The following DHX15 variants were observed in gnomAD, a reference collection of about 807,000 sequenced individuals.
DHX15 encodes ATP-dependent RNA helicase DHX15.
In DHX15, 11 loss-of-function variants were observed where a neutral mutation model predicts 94.4. The observed-to-expected ratio is 0.12, with a 90% CI of 0.07 to 0.19. The LOEUF (loss-of-function observed/expected upper bound fraction) is 0.19, where lower values mean the gene tolerates loss of function less well. Ranked by LOEUF, DHX15 falls within the 10% of genes least tolerant of loss-of-function variation. The pLI is 1.00. For synonymous variants in DHX15, 338 were observed against 329.9 expected (o/e 1.02, Z -0.27); for missense variants, 304 against 988.5 (o/e 0.31, Z 9.29).
At chr4:24,533,529 G>A (rs919574349) in intron 11 of DHX15, 12 of 159,440 alleles carry the variant, frequency 7.5e-5, no homozygotes, top group African/African-American at 1.9e-4. Context: ...TGCGACACAC[G>A]TGTCTCTCAG....
intron 12 of DHX15, chr4:24,530,948 T>G (rs1268616961): frequency 6.6e-6 from 1 of 152,240 alleles, no homozygotes; most frequent in African/African-American, 2.4e-5. Context: ...CTATGTTGCC[T>G]GGGCTGGCTT....
chr4:24,540,464 T>G (rs1721285491), intron 9 of DHX15, among the ~76,000 whole-genome samples, 165 bp from the exon 10 acceptor site: 1 of 152,164 alleles, frequency 6.6e-6, no homozygotes, highest in South Asian at 2.1e-4. Context: ...CAATGAATCA[T>G]AAAAACATTG....
chr4:24,531,269 T>C (rs1259455497), intron 12 of DHX15, among the ~76,000 whole-genome samples: 1 of 152,018 alleles, frequency 6.6e-6, no homozygotes, highest in Admixed American at 6.5e-5. Context: ...TTTGTATTTT[T>C]AGTAGAGACG....
intron 6 of DHX15, among the ~76,000 whole-genome samples, chr4:24,547,885 CTCTCTATG>C (rs869096298): frequency 0.047 from 573 of 12,168 alleles, 14 homozygotes; most frequent in Non-Finnish European, 0.092. Flanking sequence ...CTCTCTCTCT[CTCTCTATG>C]TATGTATGTG....
Position 24,533,074 on chromosome 4 carries a change from G to C in DHX15, c.1910-20C>G. ...CATGATCTAAAAAGGTAGAAGGCGGGGAGAAAAGAAGGCACCATGAATCAC... is the reference window on the plus strand; with the variant it reads ...CATGATCTAAAAAGGTAGAAGGCGGCGAGAAAAGAAGGCACCATGAATCAC... On this transcript the variant is annotated intron_variant, in intron 11 of 13. Coordinates refer to ENST00000336812, the MANE Select transcript of DHX15 (RefSeq NM_001358.3). 3 of 1,608,830 alleles carry C rather than the reference G, an allele frequency of 1.9e-6. No individual in the cohort carries two copies. The highest frequency in any genetic ancestry group is 2.6e-6 in the Non-Finnish European group (3 of 1,175,346).
chr4:24,574,205 CAAAAAAAA>C (rs61031930), intron 2 of DHX15, among the ~76,000 whole-genome samples: 9 of 68,872 alleles, frequency 1.3e-4, no homozygotes, highest in African/African-American at 3.3e-4. Context: ...GACTTTGTCT[CAAAAAAAA>C]AAAAAAAAAA....
At chr4:24,531,551 C>T (rs989199692) in intron 12 of DHX15, among the ~76,000 whole-genome samples, 2 of 152,014 alleles carry the variant, frequency 1.3e-5, no homozygotes, top group Non-Finnish European at 2.9e-5. Flanking sequence ...TCTCTCTACA[C>T]ACACAAAAAG....
At position 24,570,315 on chromosome 4, in the gene DHX15, C is replaced by CTTT. The variant is rs367666962; in HGVS notation, c.701+336_701+338dup. Reference sequence around the variant, plus strand: ...CATTCTTCTTTCTAAAAGTAGTTATCTTTTACTAAGTAAGACATATCACTT... The same window carrying CTTT: ...CATTCTTCTTTCTAAAAGTAGTTATCTTTTTTTACTAAGTAAGACATATCACTT... On this transcript the variant is annotated intron_variant, in intron 3 of 13. Coordinates refer to ENST00000336812, the MANE Select transcript of DHX15 (RefSeq NM_001358.3). Among the ~76,000 whole-genome samples the CTTT allele has an allele frequency of 5.1e-3, 776 of 152,248 alleles. 7 individuals are homozygous for CTTT. Among genetic ancestry groups the CTTT allele is most frequent in the African/African-American group, 0.018 (748 of 41,552 alleles).
chr4:24,555,409 A>T (rs1721708253), intron 4 of DHX15, among the ~76,000 whole-genome samples: 1 of 152,138 alleles, frequency 6.6e-6, no homozygotes, highest in Non-Finnish European at 1.5e-5. Context: ...AAACCTTGGT[A>T]GCACAATAAA....
At chr4:24,571,077 T>G (rs1055292425) in intron 2 of DHX15, among the ~76,000 whole-genome samples, 76 of 152,220 alleles carry the variant, frequency 5.0e-4, no homozygotes, top group African/African-American at 1.8e-3. Context: ...CAATCAGGAA[T>G]ACACTCGACA....
chr4:24,542,054 C>A, intron 7 of DHX15, 32 bp from the exon 8 acceptor site: 1 of 1,544,694 alleles, frequency 6.5e-7, no homozygotes, highest in Non-Finnish European at 8.8e-7. Context: ...AAGAGTCTTT[C>A]TTCAGTCAAA....
intron 12 of DHX15, chr4:24,530,129 T>G: frequency 3.3e-6 from 1 of 306,342 alleles, no homozygotes; most frequent in Non-Finnish European, 6.1e-6. Context: ...TCTATACCTA[T>G]TATGCTCCAA....
At chr4:24,540,340 C>A in intron 9 of DHX15, 41 bp from the exon 10 acceptor site, 2 of 1,531,768 alleles carry the variant, frequency 1.3e-6, no homozygotes, top group Admixed American at 4.1e-5. Context: ...GTGCCTTAAG[C>A]AAGCAAAAAT....
intron 1 of DHX15, chr4:24,580,687 A>T (rs565555330): frequency 4.6e-5 from 7 of 151,994 alleles, no homozygotes; most frequent in African/African-American, 1.7e-4. Context: ...GTATTTTTGT[A>T]TTTTTAACAG....
rs1257780392 is a variant in DHX15, at chr4:24,558,329, A to G, written c.702-1919T>C. On this transcript the variant is annotated intron_variant, in intron 3 of 13. Coordinates refer to ENST00000336812, the MANE Select transcript of DHX15 (RefSeq NM_001358.3). ...TTGAGAAAAAAGTCACAGAAATGAT[A>G]AAATATGACTTTAAGTTGAAAACTT... Among the ~76,000 whole-genome samples the G allele has an allele frequency of 2.0e-5, 3 of 152,158 alleles. No homozygotes were observed. In the East Asian group the frequency reaches 5.8e-4, roughly 29 times the overall value.
Position 24,537,187 on chromosome 4 carries a change from G to C in DHX15, c.1787-14C>G. On this transcript the variant is annotated splice_polypyrimidine_tract_variant and intron_variant, in intron 10 of 13. Transcript: ENST00000336812. The surrounding 1 kb of genome is among the most constrained non-coding windows in gnomAD (Gnocchi z 4.7). ...AACACTGTGGGACTAAACAAGGTTG[G>C]TATGGGCCCAACACAAACGCCCATA... 1 of 1,613,450 alleles carries C rather than the reference G, an allele frequency of 6.2e-7. No individual in the cohort carries two copies. The highest frequency in any genetic ancestry group is 8.5e-7 in the Non-Finnish European group (1 of 1,179,638).
intron 3 of DHX15, among the ~76,000 whole-genome samples, chr4:24,559,716 TTTTAG>T (rs1372770986): frequency 6.6e-6 from 1 of 152,156 alleles, no homozygotes; most frequent in East Asian, 1.9e-4. Context: ...TTTCCAACTG[TTTTAG>T]GGCAGAGATG....
chr4:24,575,644 A>G (rs929360446), intron 2 of DHX15, among the ~76,000 whole-genome samples: 15 of 152,182 alleles, frequency 9.9e-5, no homozygotes, highest in African/African-American at 3.1e-4. Flanking sequence ...CTGACCCAGC[A>G]ATTTCTGCTT....
In DHX15 at chr4:24,576,676, T is replaced by C. The variant is rs1160473913; in HGVS notation, c.74A>G (p.Lys25Arg). ...ACGATCCCGGTCTCGATCTCGATCC[T>C]TCCTAAAAACAAAAATTTAGAATTC... Reference protein sequence around the residue: ...SGKKRAGTDGKDRDRDRDRED... With the variant: ...SGKKRAGTDGRDRDRDRDRED... The change falls in exon 2 of 14, where the codon AAG (lysine) becomes AGG (arginine). Residue 25 changes from lysine (K) to arginine (R), a missense_variant and splice_region_variant. By Grantham distance (26) the Lys-to-Arg change is conservative (BLOSUM62 2). Coordinates refer to ENST00000336812, the MANE Select transcript of DHX15 (RefSeq NM_001358.3). 1.2e-6 allele frequency: 2 copies of C among 1,608,964 alleles called. No homozygotes were observed. The highest frequency in any genetic ancestry group is 1.7e-6 in the Non-Finnish European group (2 of 1,176,300).
Sources: allele counts gnomAD v4.1 joint callset (sites outside exome capture counted in the v4.1 genomes callset), GRCh38; gene constraint gnomAD v4.1.1; non-coding constraint Gnocchi (gnomAD v3.1); transcripts MANE v1.5; gene names NCBI Gene and HGNC (gene_info 2026-07-23, HGNC 2026-07-21).